MCC: variants seen among roughly 807,000 people sequenced by gnomAD.
MCC encodes the protein colorectal mutant cancer protein.
In MCC, 90 loss-of-function variants were observed where a neutral mutation model predicts 116.2. That is an observed-to-expected ratio of 0.77 (90% CI 0.65 to 0.92). MCC has a LOEUF of 0.92. MCC is among the 40% of genes least tolerant of loss of function. The pLI is 0.00. For missense variants in MCC, 1,516 were observed against 1,312.2 expected, an observed-to-expected ratio of 1.16 and a Z score of -2.40; for synonymous variants, 578 against 510.5, an observed-to-expected ratio of 1.13 and a Z score of -1.78.
intron 3 of MCC, among the ~76,000 whole-genome samples, chr5:113,212,794 T>C (rs1457025914): frequency 1.3e-5 from 2 of 152,110 alleles, no homozygotes; most frequent in Non-Finnish European, 2.9e-5. Flanking sequence ...TCCTGTACTT[T>C]CTAAATTGCA....
intron 2 of MCC, among the ~76,000 whole-genome samples, chr5:113,356,963 C>G (rs1561536433): frequency 6.6e-6 from 1 of 152,208 alleles, no homozygotes; most frequent in Non-Finnish European, 1.5e-5. Context: ...AGGACATTTT[C>G]TCTCTTTCAG....
At chr5:113,397,363 T>C (rs879271410) in intron 1 of MCC, among the ~76,000 whole-genome samples, 4 of 152,140 alleles carry the variant, frequency 2.6e-5, no homozygotes, top group Non-Finnish European at 4.4e-5. Flanking sequence ...TAATAAAACA[T>C]TCTGCTAGAA....
intron 1 of MCC, among the ~76,000 whole-genome samples, chr5:113,460,729 T>C (rs1771720629): frequency 6.6e-6 from 1 of 152,198 alleles, no homozygotes; most frequent in South Asian, 2.1e-4. Flanking sequence ...GCAGAGATTC[T>C]GAGACAGTTG....
chr5:113,203,110 A>T (rs949767483), intron 3 of MCC: 1 of 152,248 alleles, frequency 6.6e-6, no homozygotes, highest in Non-Finnish European at 1.5e-5. Context: ...GACTTGGGGA[A>T]TACAAGGGTT....
chr5:113,349,244 C>CA (rs1043276731), intron 2 of MCC, among the ~76,000 whole-genome samples: 1 of 151,784 alleles, frequency 6.6e-6, no homozygotes, highest in African/African-American at 2.4e-5. Context: ...AAAGACACAT[C>CA]AAAAAAACCT....
At chr5:113,361,260 A>T (rs912420372) in intron 2 of MCC, among the ~76,000 whole-genome samples, 34 of 50,000 alleles carry the variant, frequency 6.8e-4, no homozygotes, top group African/African-American at 1.1e-3. Flanking sequence ...TAAATCTTTA[A>T]AAAAAAAACC....
intron 2 of MCC, among the ~76,000 whole-genome samples, chr5:113,361,255 CT>C (rs1402148198): frequency 1.7e-5 from 2 of 115,480 alleles, no homozygotes; most frequent in East Asian, 2.1e-4. Flanking sequence ...TTTCATAAAT[CT>C]TTAAAAAAAA....
At chr5:113,313,530 T>C (rs527399338) in intron 3 of MCC, among the ~76,000 whole-genome samples, 3 of 152,190 alleles carry the variant, frequency 2.0e-5, no homozygotes, top group African/African-American at 4.8e-5. Flanking sequence ...GGAGATATGA[T>C]GGCAATGGCG....
intron 8 of MCC, among the ~76,000 whole-genome samples, chr5:113,099,273 A>G (rs573223889): frequency 1.3e-5 from 2 of 152,246 alleles, no homozygotes. Context: ...CTAGTTGCAC[A>G]AACTTATAAA....
intron 3 of MCC, among the ~76,000 whole-genome samples, chr5:113,232,715 A>G (rs1763980199): frequency 6.6e-6 from 1 of 152,196 alleles, no homozygotes; most frequent in South Asian, 2.1e-4. Flanking sequence ...TTGCAAATTA[A>G]GTATAATTAA....
At chr5:113,328,943 C>G (rs974526318) in intron 3 of MCC, among the ~76,000 whole-genome samples, 1 of 152,168 alleles carries the variant, frequency 6.6e-6, no homozygotes, top group Non-Finnish European at 1.5e-5. Context: ...ATGACACTGC[C>G]TGCAGCATCC....
intron 5 of MCC, among the ~76,000 whole-genome samples, chr5:113,136,623 G>A (rs1561390036): frequency 6.6e-6 from 1 of 152,090 alleles, no homozygotes; most frequent in Non-Finnish European, 1.5e-5. Context: ...ATTGTAAATG[G>A]AATTGACTTA....
chr5:113,382,720 T>C (rs1323214932), intron 2 of MCC, among the ~76,000 whole-genome samples: 4 of 152,208 alleles, frequency 2.6e-5, no homozygotes, highest in Non-Finnish European at 5.9e-5. Flanking sequence ...TTTACATATA[T>C]ATTAGCTCCT....
intron 4 of MCC, among the ~76,000 whole-genome samples, chr5:113,145,346 T>C (rs1191858240): frequency 2.0e-5 from 3 of 152,190 alleles, no homozygotes; most frequent in Admixed American, 6.5e-5. Context: ...GACTCCTATG[T>C]TCCCATGTTG....
In MCC at chr5:113,143,230, C is replaced by G. The variant is rs376437546; in HGVS notation, c.872G>C (p.Gly291Ala). The change falls in exon 5 of 19, where the codon GGC (glycine) becomes GCC (alanine). Residue 291 changes from glycine (G) to alanine (A), a missense_variant. By Grantham distance (60) the Gly-to-Ala change is moderately conservative. Coordinates refer to ENST00000408903, the MANE Select transcript of MCC (RefSeq NM_001085377.2). ...TGGAGCCGCGTACCTGATGGTGGTG[C>G]CTTGCAGACGGTCTATCTTCTTGTT... The part of the protein sequence containing the change: ...ELNKKIDRLQ[G>A]TTIREEDEYS... 5 of 1,603,944 alleles carry G rather than the reference C, an allele frequency of 3.1e-6. No homozygotes were observed. The highest frequency in any genetic ancestry group is 1.3e-5 in the African/African-American group (1 of 74,508).
chr5:113,222,861 AC>A (rs1763601906), intron 3 of MCC, among the ~76,000 whole-genome samples: 1 of 152,026 alleles, frequency 6.6e-6, no homozygotes, highest in African/African-American at 2.4e-5. Flanking sequence ...AGAACACACA[AC>A]CCTGGGGTAG....
intron 5 of MCC, among the ~76,000 whole-genome samples, chr5:113,128,047 G>C (rs1045222473): frequency 1.2e-4 from 18 of 152,314 alleles, no homozygotes; most frequent in African/African-American, 4.1e-4. Flanking sequence ...CTCATTATTG[G>C]TTAGGGGTAA....
At chr5:113,294,420 A>C in intron 3 of MCC, 2 of 1,603,020 alleles carry the variant, frequency 1.2e-6, no homozygotes, top group Non-Finnish European at 1.7e-6. Flanking sequence ...TCAGTCCCCC[A>C]GGTCTCGGAG....
intron 3 of MCC, among the ~76,000 whole-genome samples, chr5:113,191,153 T>A (rs4705802): frequency 0.62 from 94,440 of 152,104 alleles, 31,813 homozygotes; most frequent in East Asian, 0.8. Flanking sequence ...GAGCAGAAGG[T>A]AGGAGGCTGC....
Sources: gnomAD v4.1 joint callset for allele counts (sites outside exome capture counted in the v4.1 genomes callset) on GRCh38, gnomAD v4.1.1 for gene constraint, MANE v1.5 for transcripts, NCBI Gene and HGNC (gene_info 2026-07-23, HGNC 2026-07-21) for gene names.